Variants in STX8 observed in about 807,000 individuals in gnomAD.
STX8 encodes the protein syntaxin 8.
In STX8, 23 loss-of-function variants were observed where a neutral mutation model predicts 37.5. That is an observed-to-expected ratio of 0.61 (90% CI 0.44 to 0.87). The LOEUF (loss-of-function observed/expected upper bound fraction) is 0.87, where lower values mean the gene tolerates loss of function less well. Among genes scored for constraint, STX8 ranks in the 40% least tolerant of loss-of-function variants. STX8 has a pLI of 0.00. For synonymous variants in STX8, 115 were observed against 99.1 expected (o/e 1.16, Z -0.95); for missense variants, 313 against 284.7 (o/e 1.10, Z -0.71).
intron 4 of STX8, among the ~76,000 whole-genome samples, chr17:9,541,374 CA>C (rs1197943467): frequency 1.3e-5 from 2 of 152,142 alleles, no homozygotes; most frequent in Admixed American, 6.5e-5. Context: ...CTAGAGCAAT[CA>C]GGGGGCAGGG....
intron 6 of STX8, among the ~76,000 whole-genome samples, chr17:9,456,933 T>TAA (rs1241861419): frequency 2.0e-5 from 3 of 152,220 alleles, no homozygotes; most frequent in Non-Finnish European, 4.4e-5. Flanking sequence ...AACACTCATT[T>TAA]AGAGTCCGCC....
chr17:9,287,907 C>G (rs959841603), intron 7 of STX8, among the ~76,000 whole-genome samples: 1 of 151,812 alleles, frequency 6.6e-6, no homozygotes, highest in Non-Finnish European at 1.5e-5. Flanking sequence ...AGCACCACCA[C>G]GCCCAGCTAA....
chr17:9,272,592 C>T (rs770411780), intron 7 of STX8, among the ~76,000 whole-genome samples: 2 of 152,232 alleles, frequency 1.3e-5, no homozygotes, highest in Non-Finnish European at 2.9e-5. Context: ...GAGCGTACCC[C>T]GAAGCTAGCG....
In STX8 at chr17:9,545,268, C is replaced by T; in HGVS notation, c.227G>A (p.Gly76Glu). Residue 76 changes from glycine (G) to glutamate (E), a missense_variant, in exon 4 of 8, where the codon GGG becomes GAG. Transcript: ENST00000306357. The stretch of plus-strand genomic sequence containing the variant: ...ATCCAAGAGGTTCTGTCTTCGGTCC[C>T]CTTCAAGCTGTGTTCTGCAGATATC... ...VSTHQITQLE[G>E]DRRQNLLDDL... is the part of the protein sequence containing the mutation. The T allele has an allele frequency of 6.2e-7, 1 of 1,613,618 alleles. No individual in the cohort carries two copies. Among genetic ancestry groups the T allele is most frequent in the East Asian group, 2.2e-5 (1 of 44,872 alleles).
chr17:9,471,758 T>C (rs957182504), intron 6 of STX8, among the ~76,000 whole-genome samples: 2 of 152,166 alleles, frequency 1.3e-5, no homozygotes, highest in African/African-American at 4.8e-5. Context: ...GGGGTAATTC[T>C]GTGCACCCTG....
chr17:9,513,282 A>G (rs6503223), intron 4 of STX8, among the ~76,000 whole-genome samples: 144,543 of 144,744 alleles, frequency 1, 72,172 homozygotes, highest in Middle Eastern at 1. Flanking sequence ...AGGATTACTT[A>G]AGCCTGGATA....
At position 9,359,503 on chromosome 17, in the gene STX8, A is replaced by ATTT. The variant is rs145808683; in HGVS notation, c.643+19046_643+19048dup. On this transcript the variant is annotated intron_variant, in intron 7 of 7. Coordinates refer to ENST00000306357, the MANE Select transcript of STX8 (RefSeq NM_004853.3). The stretch of plus-strand genomic sequence containing the variant: ...CTGGTATTCCACAATGCTGAGACAT[A>ATTT]TTTTTTTTTTTTTTTTTTTTTTGGG... 6.8e-3 allele frequency among the ~76,000 whole-genome samples: 624 copies of ATTT among 91,694 alleles called. 14 individuals are homozygous for ATTT. The highest frequency in any genetic ancestry group is 0.024 in the African/African-American group (555 of 22,734). The allele number at this position is 91,694 out of a possible 152,430, so 60.2% of individuals were successfully genotyped here. A position where few individuals can be genotyped will look rare whatever the true frequency, so the allele number is the denominator to read the frequency against.
intron 4 of STX8, among the ~76,000 whole-genome samples, chr17:9,543,902 T>A (rs983970497): frequency 6.6e-6 from 1 of 152,194 alleles, no homozygotes; most frequent in African/African-American, 2.4e-5. Context: ...CATGGAACCT[T>A]GGATCGCCGC....
chr17:9,286,111 C>G (rs1908062902), intron 7 of STX8, among the ~76,000 whole-genome samples: 1 of 152,130 alleles, frequency 6.6e-6, no homozygotes, highest in Non-Finnish European at 1.5e-5. Context: ...TGAAGTCAGT[C>G]TACGTTTGAT....
At chr17:9,540,653 C>T (rs1906242529) in intron 4 of STX8, 1 of 152,260 alleles carries the variant, frequency 6.6e-6, no homozygotes. Context: ...AACGGACCAT[C>T]ATTGTGTGTT....
intron 7 of STX8, among the ~76,000 whole-genome samples, chr17:9,332,688 GTC>G (rs1327262081): frequency 4.6e-5 from 7 of 152,164 alleles, no homozygotes; most frequent in African/African-American, 1.4e-4. Context: ...CTTTTTCAGA[GTC>G]TCTACATCCA....
intron 7 of STX8, among the ~76,000 whole-genome samples, chr17:9,298,641 G>A (rs1311066030): frequency 1.1e-4 from 17 of 152,072 alleles, no homozygotes; most frequent in Admixed American, 5.2e-4. Flanking sequence ...GTGAAACCCC[G>A]TCTCTACTAA....
At chr17:9,391,914 T>C (rs1912237110) in intron 6 of STX8, among the ~76,000 whole-genome samples, 1 of 152,142 alleles carries the variant, frequency 6.6e-6, no homozygotes. Flanking sequence ...TGGATTCTCC[T>C]TTGAGAAGTG....
intron 7 of STX8, among the ~76,000 whole-genome samples, chr17:9,373,221 C>T (rs189155295): frequency 2.0e-5 from 3 of 152,156 alleles, no homozygotes; most frequent in Admixed American, 1.3e-4. Context: ...GAAGGTTCCT[C>T]AAACATTTAA....
intron 7 of STX8, among the ~76,000 whole-genome samples, chr17:9,351,204 C>T (rs1225198115): frequency 4.5e-5 from 5 of 111,032 alleles, no homozygotes; most frequent in South Asian, 3.0e-4. Context: ...TTTTTTGAGA[C>T]GGAGTCTCAC....
intron 4 of STX8, among the ~76,000 whole-genome samples, chr17:9,536,719 T>G (rs1036942103): frequency 5.3e-5 from 8 of 151,974 alleles, no homozygotes; most frequent in African/African-American, 1.7e-4. Flanking sequence ...GAGTAAACTC[T>G]GAACTCTGCA....
At chr17:9,446,395 G>A (rs1358221687) in intron 6 of STX8, among the ~76,000 whole-genome samples, 1 of 152,154 alleles carries the variant, frequency 6.6e-6, no homozygotes, top group Non-Finnish European at 1.5e-5. Flanking sequence ...TTATTTTAAT[G>A]AAGAAATACA....
intron 7 of STX8, among the ~76,000 whole-genome samples, chr17:9,321,028 G>C (rs548210800): frequency 6.6e-6 from 1 of 151,644 alleles, no homozygotes; most frequent in East Asian, 1.9e-4. Flanking sequence ...GCAGAGAGAC[G>C]AGAGAAGAGG....
At chr17:9,562,554 G>C (rs1050047504) in intron 2 of STX8, among the ~76,000 whole-genome samples, 2 of 150,800 alleles carry the variant, frequency 1.3e-5, no homozygotes. Context: ...AGACTAAAAA[G>C]GCTAATAATC....
Sources: gnomAD v4.1 joint callset for allele counts (sites outside exome capture counted in the v4.1 genomes callset) on GRCh38, gnomAD v4.1.1 for gene constraint, MANE v1.5 for transcripts, NCBI Gene and HGNC (gene_info 2026-07-23, HGNC 2026-07-21) for gene names.